The following SORCS1 variants were observed in gnomAD, a reference collection of about 807,000 sequenced individuals.
SORCS1 encodes VPS10 domain-containing receptor SorCS1.
A neutral mutation model predicts 146.1 loss-of-function variants in SORCS1; 60 were observed. The observed-to-expected ratio is 0.41, with a 90% CI of 0.33 to 0.51. The LOEUF (loss-of-function observed/expected upper bound fraction) is 0.51, where lower values mean the gene tolerates loss of function less well. SORCS1 is among the 20% of genes least tolerant of loss of function. SORCS1 has a pLI of 0.21. For synonymous variants in SORCS1, 637 were observed against 584.0 expected (o/e 1.09, Z -1.31); for missense variants, 1,352 against 1,487.6 (o/e 0.91, Z 1.50).
At chr10:106,606,889 C>T (rs1296592764) in intron 23 of SORCS1, among the ~76,000 whole-genome samples, 2 of 152,206 alleles carry the variant, frequency 1.3e-5, no homozygotes, top group African/African-American at 2.4e-5. Context: ...GACAGGTTTG[C>T]TTCCCCTTCC....
chr10:106,897,395 C>T (rs537469223), intron 2 of SORCS1, among the ~76,000 whole-genome samples: 187 of 152,250 alleles, frequency 1.2e-3, no homozygotes, highest in Non-Finnish European at 2.2e-3. Context: ...TGTCCATGAT[C>T]AATTTGCTGT....
At chr10:106,985,332 G>T (rs1956420364) in intron 1 of SORCS1, among the ~76,000 whole-genome samples, 1 of 152,032 alleles carries the variant, frequency 6.6e-6, no homozygotes, top group Non-Finnish European at 1.5e-5. Flanking sequence ...AGTTGAAGTT[G>T]ATTTGAAATT....
At chr10:106,713,343 C>A (rs1327659086) in intron 6 of SORCS1, among the ~76,000 whole-genome samples, 1 of 152,188 alleles carries the variant, frequency 6.6e-6, no homozygotes, top group African/African-American at 2.4e-5. Flanking sequence ...ATTACAAATA[C>A]AATTTCCAAC....
intron 1 of SORCS1, among the ~76,000 whole-genome samples, chr10:106,958,649 G>GCTTTTC (rs1554895272): frequency 6.6e-6 from 1 of 151,656 alleles, no homozygotes; most frequent in Non-Finnish European, 1.5e-5. Context: ...CTACAGCACA[G>GCTTTTC]CTTCCTTCCT....
At chr10:106,587,854 T>TC (rs1845336619) in intron 24 of SORCS1, among the ~76,000 whole-genome samples, 1 of 149,656 alleles carries the variant, frequency 6.7e-6, no homozygotes, top group Non-Finnish European at 1.5e-5. Flanking sequence ...TTGGGGGGGG[T>TC]CATGTTTTTT....
intron 1 of SORCS1, among the ~76,000 whole-genome samples, chr10:107,124,666 G>A (rs1032951824): frequency 6.6e-6 from 1 of 152,106 alleles, no homozygotes; most frequent in Non-Finnish European, 1.5e-5. Context: ...CAGGTAATCT[G>A]AGTCTATGAG....
rs1844767369 is a variant in SORCS1, at chr10:106,579,406, C to T, written c.3334G>A (p.Val1112Met). The change falls in exon 25 of 26, where the codon GTG (valine) becomes ATG (methionine). Residue 1112 changes from valine (V) to methionine (M), a missense_variant. Around this residue, in one of 3 missense-constraint regions of SORCS1, gnomAD observed 214 missense variants for 204.8 expected, o/e 1.05. Coordinates refer to ENST00000263054, the MANE Select transcript of SORCS1 (RefSeq NM_052918.5). ...AMLMLLSVVF[V>M]GLAVFVIYKF... ...TAGATGACGAACACTGCCAGCCCCACAAACACCACTGAGAGCAGCATCAGC... is the reference window on the plus strand; with the variant it reads ...TAGATGACGAACACTGCCAGCCCCATAAACACCACTGAGAGCAGCATCAGC... The T allele has an allele frequency of 1.9e-6, 3 of 1,614,030 alleles. No homozygotes were observed. The highest frequency in any genetic ancestry group is 1.3e-5 in the African/African-American group (1 of 74,992).
intron 5 of SORCS1, among the ~76,000 whole-genome samples, chr10:106,733,608 A>G (rs1198864523): frequency 6.6e-6 from 1 of 152,218 alleles, no homozygotes; most frequent in African/African-American, 2.4e-5. Flanking sequence ...GTGTGTTTTA[A>G]GACCAACTAT....
chr10:106,609,624 G>A (rs1200027990), intron 22 of SORCS1, among the ~76,000 whole-genome samples: 1 of 152,160 alleles, frequency 6.6e-6, no homozygotes, highest in African/African-American at 2.4e-5. Context: ...TTGAAAACTA[G>A]AAGGTATTAA....
chr10:107,149,919 G>A (rs191986644), intron 1 of SORCS1, among the ~76,000 whole-genome samples: 19 of 152,136 alleles, frequency 1.2e-4, no homozygotes, highest in East Asian at 9.7e-4. Context: ...CTCCTACCCC[G>A]CCCTATTCTG....
At chr10:107,062,751 G>A (rs1324799883) in intron 1 of SORCS1, among the ~76,000 whole-genome samples, 2 of 152,150 alleles carry the variant, frequency 1.3e-5, no homozygotes, top group African/African-American at 4.8e-5. Context: ...TCTTACGTCA[G>A]TATCTCTTTT....
At chr10:106,804,157 T>C (rs1164891257) in intron 3 of SORCS1, among the ~76,000 whole-genome samples, 1 of 152,120 alleles carries the variant, frequency 6.6e-6, no homozygotes, top group Non-Finnish European at 1.5e-5. Context: ...AGAAAATCTC[T>C]TCATTATCAA....
At chr10:106,740,261 C>A (rs1857273080) in intron 5 of SORCS1, among the ~76,000 whole-genome samples, 1 of 152,080 alleles carries the variant, frequency 6.6e-6, no homozygotes, top group South Asian at 2.1e-4. Context: ...CACCAATTAC[C>A]CCCCTAGGGT....
At chr10:107,121,125 G>C (rs1255322121) in intron 1 of SORCS1, among the ~76,000 whole-genome samples, 1 of 152,138 alleles carries the variant, frequency 6.6e-6, no homozygotes. Flanking sequence ...ATCTCAAGCA[G>C]TTTATTTCAT....
intron 1 of SORCS1, among the ~76,000 whole-genome samples, chr10:107,030,928 A>G (rs1958622811): frequency 6.6e-6 from 1 of 152,176 alleles, no homozygotes; most frequent in Admixed American, 6.5e-5. Flanking sequence ...GGCAGAGGAG[A>G]TGCCAACTCT....
intron 1 of SORCS1, among the ~76,000 whole-genome samples, chr10:107,029,386 T>C (rs1055458362): frequency 1.3e-5 from 2 of 152,208 alleles, no homozygotes; most frequent in African/African-American, 2.4e-5. Context: ...AATCTACTTA[T>C]GTGGGAGCTC....
At chr10:106,866,229 C>A (rs1950217457) in intron 2 of SORCS1, among the ~76,000 whole-genome samples, 1 of 152,082 alleles carries the variant, frequency 6.6e-6, no homozygotes, top group Non-Finnish European at 1.5e-5. Flanking sequence ...AACAAAAGAG[C>A]AAAGACCCTA....
At chr10:106,822,431 C>T (rs564713950) in intron 3 of SORCS1, among the ~76,000 whole-genome samples, 6 of 152,236 alleles carry the variant, frequency 3.9e-5, no homozygotes, top group South Asian at 4.1e-4. Flanking sequence ...GGGCACTGCT[C>T]CTGGCACTCC....
chr10:106,647,594 T>C (rs918445925), intron 18 of SORCS1, among the ~76,000 whole-genome samples: 8 of 152,206 alleles, frequency 5.3e-5, no homozygotes, highest in Non-Finnish European at 8.8e-5. Flanking sequence ...CAAAGGCTCA[T>C]AGCAATTCAG....
Sources: gnomAD v4.1 joint callset for allele counts (sites outside exome capture counted in the v4.1 genomes callset) on GRCh38, gnomAD v4.1.1 for gene constraint, gnomAD v4.1.1 regional missense constraint, MANE v1.5 for transcripts, NCBI Gene and HGNC (gene_info 2026-07-23, HGNC 2026-07-21) for gene names.